Variants in RYR3 observed in about 807,000 individuals in gnomAD.
The protein encoded by RYR3 is brain ryanodine receptor-calcium release channel.
In RYR3, 207 loss-of-function variants were observed where a neutral mutation model predicts 584.3. The observed-to-expected ratio is 0.35, with a 90% CI of 0.32 to 0.40. RYR3 has a LOEUF of 0.40. Among genes scored for constraint, RYR3 ranks in the 10% least tolerant of loss-of-function variants. The pLI, the probability that RYR3 is intolerant of heterozygous loss-of-function variation, is 1.00. For missense variants in RYR3, 5,616 were observed against 6,089.2 expected (o/e 0.92, Z 2.59); for synonymous variants, 2,416 against 2,248.5 (o/e 1.07, Z -2.11).
At chr15:33,372,512 C>T (rs1194893779) in intron 1 of RYR3, among the ~76,000 whole-genome samples, 1 of 151,888 alleles carries the variant, frequency 6.6e-6, no homozygotes, top group Non-Finnish European at 1.5e-5. Context: ...CTACAGGCGC[C>T]CGCCACCACG....
At chr15:33,452,349 T>C (rs1239416480) in intron 1 of RYR3, among the ~76,000 whole-genome samples, 2 of 152,200 alleles carry the variant, frequency 1.3e-5, no homozygotes, top group African/African-American at 4.8e-5. Context: ...GGATAATTTA[T>C]ATTGCTTAGA....
intron 1 of RYR3, among the ~76,000 whole-genome samples, chr15:33,323,879 G>C (rs1183887952): frequency 6.6e-6 from 1 of 152,096 alleles, no homozygotes; most frequent in African/African-American, 2.4e-5. Context: ...ACACATAAGA[G>C]GGCAAATAAC....
At chr15:33,680,571 GATC>G (rs1468781145) in intron 38 of RYR3, among the ~76,000 whole-genome samples, 2 of 152,220 alleles carry the variant, frequency 1.3e-5, no homozygotes, top group Non-Finnish European at 2.9e-5. Flanking sequence ...TGCAAGCAAG[GATC>G]CCGAGATCAC....
intron 9 of RYR3, 47 bp downstream of exon 9, chr15:33,548,251 C>T (rs1218293801): frequency 8.6e-7 from 1 of 1,160,872 alleles, no homozygotes; most frequent in Admixed American, 2.1e-5. Context: ...CTTTCTTTTT[C>T]AGTACAGGCC....
chr15:33,663,239 C>T (rs893022972), intron 35 of RYR3, among the ~76,000 whole-genome samples: 1 of 152,212 alleles, frequency 6.6e-6, no homozygotes, highest in African/African-American at 2.4e-5. Flanking sequence ...TGGAACATTT[C>T]AGAAAGGGAG....
At chr15:33,616,529 A>G (rs1273614625) in intron 19 of RYR3, among the ~76,000 whole-genome samples, 1 of 152,206 alleles carries the variant, frequency 6.6e-6, no homozygotes, top group Admixed American at 6.5e-5. Flanking sequence ...ATAAAGGAGA[A>G]GCAAAGTTGC....
At chr15:33,612,530 T>C (rs941400041) in intron 18 of RYR3, among the ~76,000 whole-genome samples, 5 of 152,160 alleles carry the variant, frequency 3.3e-5, no homozygotes, top group African/African-American at 1.2e-4. Flanking sequence ...CCGGCTACTT[T>C]TGTATTTTTA....
At chr15:33,857,203 C>A (rs549356412) in intron 98 of RYR3, among the ~76,000 whole-genome samples, 1 of 150,766 alleles carries the variant, frequency 6.6e-6, no homozygotes, top group Non-Finnish European at 1.5e-5. Flanking sequence ...AATGTCTTTT[C>A]GACAGTTCTG....
At chr15:33,348,912 T>C (rs754309850) in intron 1 of RYR3, among the ~76,000 whole-genome samples, 3 of 152,150 alleles carry the variant, frequency 2.0e-5, no homozygotes, top group Admixed American at 1.3e-4. Context: ...AAAAATCCCC[T>C]GTGTTTTATT....
intron 91 of RYR3, among the ~76,000 whole-genome samples, chr15:33,843,281 C>G (rs2152986420): frequency 6.6e-6 from 1 of 151,966 alleles, no homozygotes; most frequent in South Asian, 2.1e-4. Flanking sequence ...GATTGCACCA[C>G]TGCACTCCAG....
At chr15:33,629,208 G>A (rs77587145) in intron 21 of RYR3, among the ~76,000 whole-genome samples, 4,476 of 152,314 alleles carry the variant, frequency 0.029, 92 homozygotes, top group Non-Finnish European at 0.044. Flanking sequence ...AGGGTCTGTC[G>A]TGTAGTACAG....
chr15:33,327,334 T>C (rs1186745514), intron 1 of RYR3, among the ~76,000 whole-genome samples: 2 of 152,224 alleles, frequency 1.3e-5, no homozygotes, highest in African/African-American at 4.8e-5. Context: ...CCTCCACTTC[T>C]GGCAGAAAGC....
At chr15:33,805,511 T>A (rs1273431764) in intron 69 of RYR3, among the ~76,000 whole-genome samples, 1 of 150,412 alleles carries the variant, frequency 6.6e-6, no homozygotes, top group Non-Finnish European at 1.5e-5. Flanking sequence ...GGAGTCCTGC[T>A]CTGTCGCCCA....
chr15:33,864,108 G>C (rs200357997), intron 102 of RYR3, 30 bp from the exon 103 acceptor site: 1 of 1,560,884 alleles, frequency 6.4e-7, no homozygotes, highest in Admixed American at 1.7e-5. Context: ...CTTGACCAGA[G>C]TATCTAATAC....
At chr15:33,580,277 C>A in intron 13 of RYR3, 133 bp downstream of exon 13, 4 of 780,732 alleles carry the variant, frequency 5.1e-6, no homozygotes, top group Admixed American at 3.1e-5. Context: ...GATTTGGAAG[C>A]TGGGAAATTG....
chr15:33,500,378 C>G (rs756470450), intron 2 of RYR3, among the ~76,000 whole-genome samples: 1 of 152,144 alleles, frequency 6.6e-6, no homozygotes, highest in Non-Finnish European at 1.5e-5. Context: ...GCAGCAGATT[C>G]CTACTAGCCA....
intron 89 of RYR3, among the ~76,000 whole-genome samples, chr15:33,840,120 A>T (rs2078267543): frequency 6.6e-6 from 1 of 152,246 alleles, no homozygotes; most frequent in African/African-American, 2.4e-5. Context: ...ATGTAGGCCC[A>T]ACAGAAATAG....
At chr15:33,561,948 A>T (rs1174748400) in intron 10 of RYR3, among the ~76,000 whole-genome samples, 1 of 152,168 alleles carries the variant, frequency 6.6e-6, no homozygotes, top group East Asian at 1.9e-4. Flanking sequence ...AATAGGCAAC[A>T]GCCGTTTTTT....
At chr15:33,652,401 TG>T (rs1450961256) in intron 31 of RYR3, among the ~76,000 whole-genome samples, 1 of 152,178 alleles carries the variant, frequency 6.6e-6, no homozygotes, top group Admixed American at 6.5e-5. Context: ...GTCTCTTTGG[TG>T]GGATACTGCC....
Sources: gnomAD v4.1 joint callset for allele counts (sites outside exome capture counted in the v4.1 genomes callset) on GRCh38, gnomAD v4.1.1 for gene constraint, MANE v1.5 for transcripts, NCBI Gene and HGNC (gene_info 2026-07-23, HGNC 2026-07-21) for gene names.